PRKN: variants seen among roughly 807,000 people sequenced by gnomAD.
The protein encoded by PRKN is parkin RBR E3 ubiquitin protein ligase, also known as E3 ubiquitin-protein ligase parkin.
In PRKN, 56 loss-of-function variants were observed where a neutral mutation model predicts 59.5. The observed-to-expected ratio is 0.94, with a 90% CI of 0.76 to 1.18. The LOEUF is 1.18. Ranked by LOEUF, PRKN falls within the 50% of genes most tolerant of loss-of-function variation. PRKN has a pLI of 0.00. For synonymous variants in PRKN, 250 were observed against 222.1 expected, an observed-to-expected ratio of 1.13 and a Z score of -1.12; for missense variants, 657 against 596.4, an observed-to-expected ratio of 1.10 and a Z score of -1.06.
At chr6:162,661,330 G>A (rs1778870713) in intron 1 of PRKN, among the ~76,000 whole-genome samples, 1 of 152,144 alleles carries the variant, frequency 6.6e-6, no homozygotes, top group Non-Finnish European at 1.5e-5. Context: ...GTTGAGTTAG[G>A]AACTTAAAGA....
Position 161,850,265 on chromosome 6 carries a change from G to C in PRKN, c.735-64357C>G, listed in dbSNP as rs142957928. Among the ~76,000 whole-genome samples, 599 of 152,194 alleles carry C rather than the reference G, an allele frequency of 3.9e-3. 3 individuals carry two copies. The highest frequency in any genetic ancestry group is 7.1e-3 in the South Asian group (34 of 4,822). On this transcript the variant is annotated intron_variant, in intron 6 of 11. Coordinates refer to ENST00000366898, the MANE Select transcript of PRKN (RefSeq NM_004562.3). ...AGTCCTCCATATTTAATGAACCAGG[G>C]AAACATAAGGGAAAGGTTAAACAAT...
chr6:162,401,094 T>A (rs1023912560), intron 2 of PRKN, among the ~76,000 whole-genome samples: 1 of 152,118 alleles, frequency 6.6e-6, no homozygotes, highest in African/African-American at 2.4e-5. Context: ...CAAAAGCAAG[T>A]GTTTTTAAAA....
At chr6:161,784,651 C>T (rs906672972) in intron 7 of PRKN, among the ~76,000 whole-genome samples, 1 of 152,084 alleles carries the variant, frequency 6.6e-6, no homozygotes, top group Non-Finnish European at 1.5e-5. Flanking sequence ...GAGAGAGAAA[C>T]CTGGGACATT....
At position 161,530,837 on chromosome 6, in the gene PRKN, G is replaced by T. The variant is rs565703274; in HGVS notation, c.1083+18017C>A. 1.3e-5 allele frequency among the ~76,000 whole-genome samples: 2 copies of T among 152,238 alleles called. No homozygotes were observed. Among genetic ancestry groups the T allele is most frequent in the East Asian group, 3.9e-4 (2 of 5,146 alleles). On this transcript the variant is annotated intron_variant, in intron 9 of 11. Transcript: ENST00000366898. This position sits in a 1 kb window ranked among gnomAD's most constrained non-coding sequence, Gnocchi z 5.0. ...CTGGCCCAAGGCTTGCTTCTTTTAA[G>T]AGAAAAAGGCTGTCATGCTGCTCTA...
chr6:162,065,307 A>T (rs1296667085), intron 4 of PRKN, among the ~76,000 whole-genome samples: 1 of 152,206 alleles, frequency 6.6e-6, no homozygotes, highest in African/African-American at 2.4e-5. Flanking sequence ...AAGAACCTGG[A>T]GTCTGATGTC....
chr6:162,360,558 A>T (rs1179723711), intron 2 of PRKN, among the ~76,000 whole-genome samples: 6 of 152,194 alleles, frequency 3.9e-5, no homozygotes, highest in Non-Finnish European at 8.8e-5. Flanking sequence ...TATTAAAAAT[A>T]AGCACATAAA....
chr6:162,032,110 C>G (rs1783666462), intron 5 of PRKN, among the ~76,000 whole-genome samples: 1 of 152,122 alleles, frequency 6.6e-6, no homozygotes. Flanking sequence ...TTTCAAACAG[C>G]TTTAGCCGAC....
chr6:161,954,188 C>G (rs1042089865), intron 6 of PRKN, among the ~76,000 whole-genome samples: 1 of 152,184 alleles, frequency 6.6e-6, no homozygotes. Flanking sequence ...AACGTAGCTT[C>G]TATAATACAT....
At chr6:162,534,563 A>G (rs952758090) in intron 1 of PRKN, among the ~76,000 whole-genome samples, 1 of 152,196 alleles carries the variant, frequency 6.6e-6, no homozygotes, top group African/African-American at 2.4e-5. Flanking sequence ...GTTATTCAAT[A>G]TACACTGACT....
intron 2 of PRKN, among the ~76,000 whole-genome samples, chr6:162,315,735 G>T (rs1207008912): frequency 6.6e-6 from 1 of 152,166 alleles, no homozygotes; most frequent in Non-Finnish European, 1.5e-5. Context: ...CTTAAAAATA[G>T]AAGGGGCAGG....
chr6:161,440,011 C>G lies in PRKN; in HGVS notation c.1084-53134G>C, dbSNP rs993161588. Among the ~76,000 whole-genome samples, 2 of 150,948 alleles carry G rather than the reference C, an allele frequency of 1.3e-5. No individual in the cohort carries two copies. Among genetic ancestry groups the G allele is most frequent in the African/African-American group, 4.9e-5 (2 of 40,990 alleles). On this transcript the variant is annotated intron_variant, in intron 9 of 11. Transcript: ENST00000366898. The surrounding 1 kb of genome is among the most constrained non-coding windows in gnomAD (Gnocchi z 4.1). ...TGCCGCCCAGGCTGGAGTGCAGTGG[C>G]GCGATCTCGGCTCACTGCAAGCTCC...
At chr6:162,434,103 C>A (rs562509956) in intron 2 of PRKN, among the ~76,000 whole-genome samples, 17 of 152,250 alleles carry the variant, frequency 1.1e-4, no homozygotes, top group Middle Eastern at 3.4e-3. Flanking sequence ...CAATCCAATG[C>A]AGTTTACACA....
intron 1 of PRKN, among the ~76,000 whole-genome samples, chr6:162,545,507 A>G (rs552534427): frequency 2.9e-4 from 44 of 152,192 alleles, no homozygotes; most frequent in African/African-American, 1.0e-3. Flanking sequence ...GGCTACATAT[A>G]ATTTGCCCAA....
chr6:161,781,703 A>G (rs1012032739), intron 7 of PRKN, among the ~76,000 whole-genome samples: 1 of 152,234 alleles, frequency 6.6e-6, no homozygotes, highest in Non-Finnish European at 1.5e-5. Flanking sequence ...ACAGTGTGCT[A>G]TACAGAAAAT....
intron 1 of PRKN, among the ~76,000 whole-genome samples, chr6:162,628,864 C>A (rs1328166217): frequency 6.6e-6 from 1 of 152,044 alleles, no homozygotes; most frequent in African/African-American, 2.4e-5. Context: ...TACATTAATC[C>A]TCACTAGAGT....
At chr6:162,530,926 G>C (rs535237398) in intron 1 of PRKN, among the ~76,000 whole-genome samples, 13 of 151,878 alleles carry the variant, frequency 8.6e-5, no homozygotes, top group African/African-American at 3.1e-4. Context: ...GCATGGCCGC[G>C]TGTGCCTGTG....
chr6:161,829,697 C>T (rs1009376895), intron 6 of PRKN, among the ~76,000 whole-genome samples: 1 of 151,998 alleles, frequency 6.6e-6, no homozygotes, highest in African/African-American at 2.4e-5. Flanking sequence ...CTGCAGGATG[C>T]CCCGGAGAGC....
At chr6:162,304,682 A>T (rs755647406) in intron 2 of PRKN, among the ~76,000 whole-genome samples, 19 of 150,890 alleles carry the variant, frequency 1.3e-4, no homozygotes, top group Non-Finnish European at 2.4e-4. Context: ...CTTTTCACAC[A>T]AATGGGGAAA....
intron 7 of PRKN, among the ~76,000 whole-genome samples, chr6:161,763,264 A>G (rs1789280014): frequency 1.3e-5 from 2 of 152,184 alleles, no homozygotes. Context: ...GAATTGGAGA[A>G]GCAAAGGCTG....
Sources: allele counts gnomAD v4.1 joint callset (sites outside exome capture counted in the v4.1 genomes callset), GRCh38; gene constraint gnomAD v4.1.1; non-coding constraint Gnocchi (gnomAD v3.1); transcripts MANE v1.5; gene names NCBI Gene and HGNC (gene_info 2026-07-23, HGNC 2026-07-21).